Variants in RBMS1 observed in about 807,000 individuals in gnomAD.
RBMS1 encodes the protein RNA binding motif single stranded interacting protein 1.
RBMS1 carries 17 observed loss-of-function variants against 62.3 expected under a neutral mutation model. That is an observed-to-expected ratio of 0.27 (90% confidence interval 0.19 to 0.41). The LOEUF is 0.41. Ranked by LOEUF, RBMS1 falls within the 10% of genes least tolerant of loss-of-function variation. The pLI is 1.00. For synonymous variants in RBMS1, 172 were observed against 170.0 expected, an observed-to-expected ratio of 1.01 and a Z score of -0.09; for missense variants, 334 against 504.5, an observed-to-expected ratio of 0.66 and a Z score of 3.24.
At chr2:160,292,375 G>A (rs1411538532) in intron 6 of RBMS1, among the ~76,000 whole-genome samples, 1 of 152,160 alleles carries the variant, frequency 6.6e-6, no homozygotes, top group African/African-American at 2.4e-5. Context: ...TGGCAACAGG[G>A]GGAGCTCAAA....
At chr2:160,442,165 T>C (rs1683435440) in intron 1 of RBMS1, among the ~76,000 whole-genome samples, 2 of 152,208 alleles carry the variant, frequency 1.3e-5, no homozygotes, top group South Asian at 4.1e-4. Context: ...AATGTCCGAT[T>C]TATCAATTTT....
At chr2:160,467,064 A>G (rs1467871039) in intron 1 of RBMS1, among the ~76,000 whole-genome samples, 1 of 152,116 alleles carries the variant, frequency 6.6e-6, no homozygotes, top group African/African-American at 2.4e-5. Flanking sequence ...CCAGGGAGAG[A>G]GCATTAGGAA....
intron 1 of RBMS1, among the ~76,000 whole-genome samples, chr2:160,419,355 A>T (rs1320900992): frequency 1.3e-5 from 2 of 152,144 alleles, no homozygotes; most frequent in East Asian, 3.8e-4. Flanking sequence ...CCTTTATTTT[A>T]AAAATGAATC....
At chr2:160,388,635 C>G (rs1427642437) in intron 1 of RBMS1, among the ~76,000 whole-genome samples, 1 of 152,198 alleles carries the variant, frequency 6.6e-6, no homozygotes, top group Non-Finnish European at 1.5e-5. Flanking sequence ...CTTGACTTGT[C>G]ACTCCCCAGC....
chr2:160,303,270 C>A (rs1689313440), intron 5 of RBMS1, 60 bp downstream of exon 5: 1 of 1,470,280 alleles, frequency 6.8e-7, no homozygotes, highest in African/African-American at 1.4e-5. Context: ...TTTTAATTTT[C>A]CAAGATAACT....
chr2:160,329,919 A>C (rs773478730), intron 2 of RBMS1, among the ~76,000 whole-genome samples: 11 of 152,082 alleles, frequency 7.2e-5, no homozygotes, highest in Admixed American at 1.3e-4. Context: ...TAGAAACTAA[A>C]GGCAGATAAG....
chr2:160,345,205 T>C (rs926466724), intron 2 of RBMS1, among the ~76,000 whole-genome samples: 1 of 151,986 alleles, frequency 6.6e-6, no homozygotes. Context: ...TAGAGACTAG[T>C]AGACAGAAAA....
chr2:160,322,983 T>A (rs1303605988), intron 2 of RBMS1, among the ~76,000 whole-genome samples: 1 of 152,022 alleles, frequency 6.6e-6, no homozygotes, highest in East Asian at 1.9e-4. Context: ...GTAGTCATCA[T>A]CTCTCTCTAC....
At position 160,278,358 on chromosome 2, in the gene RBMS1, T is replaced by C. The variant is rs751155113; in HGVS notation, c.1062+190A>G. The C allele has an allele frequency of 2.4e-5, 15 of 617,050 alleles. No homozygotes were observed. The Admixed American group carries it at 2.5e-4, about 10-fold the overall frequency. 38.2% of individuals were successfully genotyped at this position (617,050 alleles called of 1,614,324 possible). A position where few individuals can be genotyped will look rare whatever the true frequency, so the allele number is the denominator to read the frequency against. On this transcript the variant is annotated intron_variant, in intron 11 of 13. Coordinates refer to ENST00000348849, the MANE Select transcript of RBMS1 (RefSeq NM_016836.4). ...TCGTAAAGGAGAGATACCCAGAGAA[T>C]AGACTTTCAGTTCATCAATTAATTA...
At chr2:160,398,041 G>A (rs935405396) in intron 1 of RBMS1, among the ~76,000 whole-genome samples, 8 of 152,158 alleles carry the variant, frequency 5.3e-5, no homozygotes, top group African/African-American at 1.9e-4. Context: ...TTAAATCTGA[G>A]AAGTTTCTGT....
intron 1 of RBMS1, among the ~76,000 whole-genome samples, chr2:160,410,556 T>C (rs957954207): frequency 1.1e-4 from 17 of 152,188 alleles, no homozygotes; most frequent in African/African-American, 3.9e-4. Context: ...CACTCAATTA[T>C]AGATTATTCA....
chr2:160,489,089 G>A (rs1685720669), intron 1 of RBMS1, among the ~76,000 whole-genome samples: 1 of 152,020 alleles, frequency 6.6e-6, no homozygotes, highest in African/African-American at 2.4e-5. Flanking sequence ...TTCCCTTCAA[G>A]GAACTTAAGA....
intron 1 of RBMS1, among the ~76,000 whole-genome samples, chr2:160,449,473 C>T (rs1683864582): frequency 2.6e-5 from 4 of 152,226 alleles, no homozygotes; most frequent in Admixed American, 1.3e-4. Flanking sequence ...CCATTTTGTT[C>T]TGTACTAAGA....
chr2:160,461,009 A>G (rs1332174667), intron 1 of RBMS1, among the ~76,000 whole-genome samples: 1 of 152,226 alleles, frequency 6.6e-6, no homozygotes, highest in Non-Finnish European at 1.5e-5. Context: ...CTGTAATCCC[A>G]ATACTTTGGG....
rs1423906964 is a variant in RBMS1, at chr2:160,318,063, T to C, written c.310+106A>G. The C allele has an allele frequency of 6.1e-6, 9 of 1,475,614 alleles. No individual in the cohort carries two copies. The African/African-American group carries it at 1.3e-4, about 21-fold the overall frequency. 91.4% of individuals were successfully genotyped at this position (1,475,614 alleles called of 1,614,324 possible). ...CAGAAACTGGGTGATATATAAGATC[T>C]GGTTTTTAATAAAACGAAGGTGGTT... On this transcript the variant is annotated intron_variant, in intron 3 of 13. Coordinates refer to ENST00000348849, the MANE Select transcript of RBMS1 (RefSeq NM_016836.4).
intron 1 of RBMS1, among the ~76,000 whole-genome samples, chr2:160,439,187 G>A (rs1401983764): frequency 4.6e-5 from 7 of 151,590 alleles, no homozygotes; most frequent in East Asian, 2.0e-4. Context: ...CTGGCCGGAC[G>A]GGGGGCTGAC....
intron 4 of RBMS1, among the ~76,000 whole-genome samples, chr2:160,310,901 T>G (rs1384797462): frequency 2.2e-4 from 33 of 152,024 alleles, no homozygotes; most frequent in Admixed American, 2.2e-3. Flanking sequence ...AAAATCATGG[T>G]GCTCACATGA....
At chr2:160,292,999 G>A (rs1688759771) in intron 6 of RBMS1, among the ~76,000 whole-genome samples, 1 of 152,228 alleles carries the variant, frequency 6.6e-6, no homozygotes, top group South Asian at 2.1e-4. Flanking sequence ...TATAGCCCTT[G>A]AAAGGTACAG....
At chr2:160,318,405 T>A (rs1690357037) in intron 2 of RBMS1, among the ~76,000 whole-genome samples, 178 bp from the exon 3 acceptor site, 1 of 152,264 alleles carries the variant, frequency 6.6e-6, no homozygotes, top group African/African-American at 2.4e-5. Flanking sequence ...AACTCAAAAC[T>A]GAAAAAAAGG....
Sources: gnomAD v4.1 joint callset for allele counts (sites outside exome capture counted in the v4.1 genomes callset) on GRCh38, gnomAD v4.1.1 for gene constraint, MANE v1.5 for transcripts, NCBI Gene and HGNC (gene_info 2026-07-23, HGNC 2026-07-21) for gene names.